Variants in MMD2 observed in about 807,000 individuals in gnomAD.
The protein encoded by MMD2 is monocyte to macrophage differentiation factor 2.
MMD2 carries 30 observed loss-of-function variants against 33.5 expected under a neutral mutation model. The ratio of observed to expected loss-of-function variants is 0.90; its 90% CI spans 0.67 to 1.22. The LOEUF (loss-of-function observed/expected upper bound fraction) is 1.22, where lower values mean the gene tolerates loss of function less well. Among genes scored for constraint, MMD2 ranks in the 50% most tolerant of loss-of-function variants. The pLI, the probability that MMD2 is intolerant of heterozygous loss-of-function variation, is 0.00. For missense variants in MMD2, 364 were observed against 325.4 expected (o/e 1.12, Z -0.91); for synonymous variants, 129 against 123.0 (o/e 1.05, Z -0.32).
intron 1 of MMD2, among the ~76,000 whole-genome samples, chr7:4,925,846 G>T (rs919238631): frequency 6.6e-6 from 1 of 151,998 alleles, no homozygotes; most frequent in African/African-American, 2.4e-5. Flanking sequence ...ATGGAGTCTC[G>T]CTCTGTCGAC....
intron 1 of MMD2, among the ~76,000 whole-genome samples, chr7:4,951,326 C>G (rs980988473): frequency 2.0e-5 from 3 of 152,022 alleles, no homozygotes; most frequent in African/African-American, 7.3e-5. Flanking sequence ...TGCCATAGAG[C>G]CCATGGAACA....
At chr7:4,935,677 C>CAA (rs11337982) in intron 1 of MMD2, among the ~76,000 whole-genome samples, 85 of 86,254 alleles carry the variant, frequency 9.9e-4, no homozygotes, top group African/African-American at 3.0e-3. Context: ...GACCCTGTCT[C>CAA]AAAAAAAAAA....
intron 1 of MMD2, among the ~76,000 whole-genome samples, chr7:4,930,559 G>A (rs993578534): frequency 2.6e-5 from 4 of 151,394 alleles, no homozygotes; most frequent in Admixed American, 6.6e-5. Context: ...CAGGAGAATC[G>A]CTTGAACCTG....
At chr7:4,901,914 T>C (rs1784799789), downstream of MMD2, among the ~76,000 whole-genome samples, 1 of 152,234 alleles carries the variant, frequency 6.6e-6, no homozygotes, top group Non-Finnish European at 1.5e-5. Context: ...ACCATGGAAA[T>C]TGACAATGCT....
chr7:4,931,855 G>A (rs780147964), intron 1 of MMD2, among the ~76,000 whole-genome samples: 27 of 152,074 alleles, frequency 1.8e-4, no homozygotes, highest in South Asian at 8.3e-4. Flanking sequence ...ATGAGCCACC[G>A]TGCCCGGCCT....
chr7:4,954,125 C>T (rs34944182), intron 1 of MMD2, among the ~76,000 whole-genome samples: 19,921 of 152,194 alleles, frequency 0.13, 1,481 homozygotes, highest in East Asian at 0.34. Context: ...AGCCACTGCA[C>T]CCAGACAGTT....
At chr7:4,934,411 T>C (rs1785681116) in intron 1 of MMD2, among the ~76,000 whole-genome samples, 1 of 152,204 alleles carries the variant, frequency 6.6e-6, no homozygotes, top group Non-Finnish European at 1.5e-5. Flanking sequence ...CAGGGATGCA[T>C]GTTTAACAAG....
chr7:4,910,890 T>C (rs1784987742), intron 5 of MMD2, among the ~76,000 whole-genome samples: 1 of 152,166 alleles, frequency 6.6e-6, no homozygotes, highest in African/African-American at 2.4e-5. Context: ...CGTGGATCAC[T>C]CGGCCTCCCA....
At chr7:4,919,691 G>C (rs1467643216) in intron 3 of MMD2, among the ~76,000 whole-genome samples, 2 of 152,154 alleles carry the variant, frequency 1.3e-5, no homozygotes, top group African/African-American at 4.8e-5. Context: ...TTCGAGACCA[G>C]CCTGGCCAAC....
chr7:4,916,012 C>G lies in MMD2; in HGVS notation c.358G>C (p.Ala120Pro). The change falls in exon 4 of 7, where the codon GCA (alanine) becomes CCA (proline). Residue 120 changes from alanine to proline, a missense_variant. Transcript: ENST00000401401. ...CGGCGGGACGGTACTCACCAGGGTG[C>G]GTAGGAAGCCGCTATGAAGAAATAG... ...VIYFFIAASY[A>P]PWLNLRELGP... 1 of 1,613,454 alleles carries G rather than the reference C, an allele frequency of 6.2e-7. No homozygotes were observed. Among genetic ancestry groups the G allele is most frequent in the Non-Finnish European group, 8.5e-7 (1 of 1,179,528 alleles).
intron 2 of MMD2, among the ~76,000 whole-genome samples, chr7:4,920,746 C>A: frequency 8.5e-6 from 1 of 117,800 alleles, no homozygotes; most frequent in Admixed American, 1.1e-4. Flanking sequence ...TCCGTCCTTC[C>A]TTGTCTTGTC....
At position 4,946,074 on chromosome 7, in the gene MMD2, C is replaced by T. The variant is rs1270155949; in HGVS notation, c.47+12897G>A. On this transcript the variant is annotated intron_variant, in intron 1 of 6. Coordinates refer to ENST00000401401, the MANE Select transcript of MMD2 (RefSeq NM_198403.4). The surrounding 1 kb of genome is among the most constrained non-coding windows in gnomAD (Gnocchi z 5.0). ...CTGGGGCAAAATGCACACACTCACACGCACGCACACGCACGCACACACACG... is the reference window on the plus strand; with the variant it reads ...CTGGGGCAAAATGCACACACTCACATGCACGCACACGCACGCACACACACG... Among the ~76,000 whole-genome samples the T allele has an allele frequency of 2.6e-5, 4 of 151,938 alleles. No individual in the cohort carries two copies. Among genetic ancestry groups the T allele is most frequent in the African/African-American group, 9.7e-5 (4 of 41,400 alleles).
At chr7:4,943,070 C>T (rs1425650363) in intron 1 of MMD2, among the ~76,000 whole-genome samples, 3 of 137,222 alleles carry the variant, frequency 2.2e-5, no homozygotes, top group African/African-American at 8.5e-5. Context: ...AGTGCAGTGG[C>T]GCAATGTCAG....
chr7:4,934,443 A>G (rs1583384948), intron 1 of MMD2, among the ~76,000 whole-genome samples: 2 of 152,324 alleles, frequency 1.3e-5, no homozygotes. Flanking sequence ...GATAAAATTG[A>G]GACTGTGTTA....
rs543147451 is a variant in MMD2 at position 4,932,995 on chromosome 7, A to G, written c.48-7463T>C. On this transcript the variant is annotated intron_variant, in intron 1 of 6. Transcript: ENST00000401401. The stretch of plus-strand genomic sequence containing the variant: ...AGTTTTACAGCCTTTTTTTTTTTTT[A>G]TGTTTAAAGAGAATCTGTTGTATAA... 1.0e-3 allele frequency among the ~76,000 whole-genome samples: 138 copies of G among 136,090 alleles called. 2 individuals are homozygous for G. The highest frequency in any genetic ancestry group is 3.5e-3 in the African/African-American group (129 of 36,482). 89.3% of individuals were successfully genotyped at this position (136,090 alleles called of 152,430 possible).
chr7:4,917,170 T>A (rs1026519378), intron 3 of MMD2, among the ~76,000 whole-genome samples: 1 of 152,158 alleles, frequency 6.6e-6, no homozygotes, highest in Admixed American at 6.6e-5. Context: ...GGATCCAAGC[T>A]GTGGAGCCAA....
At chr7:4,921,991 GA>G in intron 2 of MMD2, among the ~76,000 whole-genome samples, 1 of 152,008 alleles carries the variant, frequency 6.6e-6, no homozygotes, top group Non-Finnish European at 1.5e-5. Flanking sequence ...TTGGGAGGCT[GA>G]GGCCAGGAGG....
chr7:4,916,879 T>C (rs764141016), intron 3 of MMD2, among the ~76,000 whole-genome samples: 6 of 152,092 alleles, frequency 3.9e-5, no homozygotes, highest in East Asian at 1.9e-4. Context: ...GAAACCAGCC[T>C]GGGCAACACA....
intron 1 of MMD2, among the ~76,000 whole-genome samples, chr7:4,939,343 C>T (rs1562490910): frequency 1.3e-5 from 2 of 151,890 alleles, no homozygotes; most frequent in Non-Finnish European, 1.5e-5. Flanking sequence ...GTTCAAGACA[C>T]GCCTGGGCAA....
Sources: gnomAD v4.1 joint callset for allele counts (sites outside exome capture counted in the v4.1 genomes callset) on GRCh38, gnomAD v4.1.1 for gene constraint, Gnocchi (gnomAD v3.1) non-coding constraint, MANE v1.5 for transcripts, NCBI Gene and HGNC (gene_info 2026-07-23, HGNC 2026-07-21) for gene names.